Variants in SYT14 observed in about 807,000 individuals in gnomAD.
SYT14 encodes synaptotagmin 14.
A neutral mutation model predicts 74.2 loss-of-function variants in SYT14; 32 were observed. The observed-to-expected ratio is 0.43, with a 90% CI of 0.33 to 0.58. The LOEUF is 0.58. Ranked by LOEUF, SYT14 falls within the 20% of genes least tolerant of loss-of-function variation. The probability of loss-of-function intolerance (pLI) is 0.05; values close to 1 mark genes in which losing one functional copy is unlikely to be tolerated. For synonymous variants in SYT14, 298 were observed against 337.7 expected (o/e 0.88, Z 1.29); for missense variants, 791 against 981.8 (o/e 0.81, Z 2.60).
chr1:209,992,507 G>A (rs954769589), intron 2 of SYT14, among the ~76,000 whole-genome samples: 4 of 152,144 alleles, frequency 2.6e-5, no homozygotes, highest in Admixed American at 6.5e-5. Context: ...AGAAAATGTA[G>A]TAATAGACAT....
chr1:210,169,957 T>A (rs2083505679), exon 10 of SYT14: 1 of 152,014 alleles, frequency 6.6e-6, no homozygotes, highest in Non-Finnish European at 1.5e-5. Flanking sequence ...CCTTTCTTCC[T>A]TCCCTCCCTC....
chr1:210,043,155 G>A (rs1433493547), intron 5 of SYT14, among the ~76,000 whole-genome samples: 2 of 152,118 alleles, frequency 1.3e-5, no homozygotes, highest in East Asian at 3.8e-4. Context: ...CTCTCTGCAG[G>A]GGCAGATTGT....
intron 2 of SYT14, among the ~76,000 whole-genome samples, chr1:210,006,707 A>G (rs906824939): frequency 3.3e-5 from 5 of 151,900 alleles, no homozygotes; most frequent in Non-Finnish European, 5.9e-5. Flanking sequence ...AAGCATAGGT[A>G]CTTTTTGTTT....
rs1159458712 is a variant in SYT14, at chr1:210,100,961, A to G, written c.2034+500A>G. 2.6e-5 allele frequency among the ~76,000 whole-genome samples: 4 copies of G among 152,306 alleles called. No homozygotes were observed. The East Asian group carries it at 7.7e-4, about 29-fold the overall frequency. On this transcript the variant is annotated intron_variant, in intron 7 of 9. Transcript: ENST00000637265. ...TGAAATTATTTTAAAATTTCAAAATAAATCTGGCCTCATTAGACTTTCCAC... is the reference window on the plus strand; with the variant it reads ...TGAAATTATTTTAAAATTTCAAAATGAATCTGGCCTCATTAGACTTTCCAC...
intron 8 of SYT14, among the ~76,000 whole-genome samples, chr1:210,156,550 A>G (rs1200062693): frequency 6.6e-6 from 1 of 151,436 alleles, no homozygotes; most frequent in Non-Finnish European, 1.5e-5. Context: ...TATGTCTGTT[A>G]CTCTTCTCTC....
At chr1:209,988,902 C>T in intron 2 of SYT14, among the ~76,000 whole-genome samples, 1 of 152,164 alleles carries the variant, frequency 6.6e-6, no homozygotes, top group East Asian at 1.9e-4. Context: ...TCTGTCTACA[C>T]AGCTTTTTAT....
intron 7 of SYT14, among the ~76,000 whole-genome samples, chr1:210,102,561 G>A (rs1056317491): frequency 1.3e-5 from 2 of 152,032 alleles, no homozygotes; most frequent in African/African-American, 4.8e-5. Flanking sequence ...TATTAACTTT[G>A]TGGGGAGATC....
Position 209,952,764 on chromosome 1 carries a change from A to G in SYT14, c.-486+8A>G. On this transcript the variant is annotated splice_region_variant and intron_variant, in intron 2 of 9. Transcript: ENST00000637265. ...TTATCTGTATTAGAAAAGGTAAGTC[A>G]TTGCTCTGCATGGCTATTTACATAC... 6.2e-7 allele frequency: 1 copy of G among 1,605,196 alleles called. No individual in the cohort carries two copies. The highest frequency in any genetic ancestry group is 8.5e-7 in the Non-Finnish European group (1 of 1,175,204).
Position 209,953,178 on chromosome 1 carries a change from C to T in SYT14, c.-486+422C>T, listed in dbSNP as rs967450986. ...GAACATATCCAAAGACCACAACATC[C>T]TTTGACACCAACAACTGTCTATGCT... is the stretch of plus-strand genomic sequence containing the variant. On this transcript the variant is annotated intron_variant, in intron 2 of 9. Coordinates refer to ENST00000637265, the Ensembl canonical transcript of SYT14. 4.7e-6 allele frequency: 6 copies of T among 1,288,080 alleles called. No homozygotes were observed. The African/African-American group carries it at 9.1e-5, about 20-fold the overall frequency. 79.8% of individuals were successfully genotyped at this position (1,288,080 alleles called of 1,614,324 possible).
chr1:209,967,496 AT>A (rs2079174154), intron 2 of SYT14, among the ~76,000 whole-genome samples: 1 of 152,148 alleles, frequency 6.6e-6, no homozygotes, highest in Admixed American at 6.5e-5. Context: ...TTTTAAAAAA[AT>A]ATATAGGCCT....
intron 2 of SYT14, among the ~76,000 whole-genome samples, chr1:210,008,438 A>G (rs2102903407): frequency 6.6e-6 from 1 of 152,124 alleles, no homozygotes; most frequent in South Asian, 2.1e-4. Context: ...ATCTCAGCTC[A>G]CTGCAGCCTC....
intron 7 of SYT14, 25 bp from the exon 7 acceptor site, chr1:210,155,696 A>G (rs1417834981): frequency 3.1e-6 from 5 of 1,612,668 alleles, no homozygotes; most frequent in Admixed American, 1.7e-5. Flanking sequence ...GCAAAATACT[A>G]TAAAAATGTT....
chr1:209,998,144 G>A (rs2079831711), intron 2 of SYT14, among the ~76,000 whole-genome samples: 2 of 151,840 alleles, frequency 1.3e-5, no homozygotes, highest in Admixed American at 6.6e-5. Context: ...ATTTTATGTA[G>A]TATTTCTATA....
chr1:209,953,075 G>A, intron 2 of SYT14: 1 of 1,333,630 alleles, frequency 7.5e-7, no homozygotes, highest in Non-Finnish European at 9.8e-7. Flanking sequence ...CTGAGTGCAT[G>A]CTGATCTCCC....
intron 7 of SYT14, among the ~76,000 whole-genome samples, chr1:210,115,961 G>C (rs2082353185): frequency 6.6e-6 from 1 of 151,132 alleles, no homozygotes; most frequent in Non-Finnish European, 1.5e-5. Flanking sequence ...GAGAGGTAGG[G>C]GTGGGCCGTT....
intron 7 of SYT14, among the ~76,000 whole-genome samples, chr1:210,126,344 CA>C (rs34217502): frequency 0.015 from 2,128 of 137,292 alleles, 43 homozygotes; most frequent in African/African-American, 0.047. Context: ...AATTTATGGC[CA>C]AAAAAAAAAA....
chr1:210,038,984 T>C (rs2080728560), intron 5 of SYT14, among the ~76,000 whole-genome samples: 1 of 152,152 alleles, frequency 6.6e-6, no homozygotes, highest in Admixed American at 6.6e-5. Flanking sequence ...TCCTCAATTT[T>C]ATCCTCAAAT....
At chr1:209,964,215 C>T (rs1055800920) in intron 2 of SYT14, among the ~76,000 whole-genome samples, 13 of 152,150 alleles carry the variant, frequency 8.5e-5, no homozygotes, top group African/African-American at 3.1e-4. Flanking sequence ...GGCAGTTCCT[C>T]TTCTCTCCCA....
intron 2 of SYT14, among the ~76,000 whole-genome samples, chr1:209,989,265 T>A (rs1020990660): frequency 6.6e-6 from 1 of 152,116 alleles, no homozygotes; most frequent in Admixed American, 6.6e-5. Context: ...TATATAAAAA[T>A]CTGCAGCAGC....
Sources: gnomAD v4.1 joint callset for allele counts (sites outside exome capture counted in the v4.1 genomes callset) on GRCh38, gnomAD v4.1.1 for gene constraint, MANE v1.5 for transcripts, NCBI Gene and HGNC (gene_info 2026-07-23, HGNC 2026-07-21) for gene names.